The following SIL1 variants were observed in gnomAD, a reference collection of about 807,000 sequenced individuals.
The protein encoded by SIL1 is nucleotide exchange factor SIL1.
Under a neutral mutation model 49.1 loss-of-function variants are expected in SIL1, and 40 were observed. The observed-to-expected ratio is 0.81, with a 90% CI of 0.63 to 1.06. The LOEUF is 1.06. SIL1 is among the 50% of genes least tolerant of loss of function. The pLI, the probability that SIL1 is intolerant of heterozygous loss-of-function variation, is 0.00. For synonymous variants in SIL1, 253 were observed against 250.8 expected (o/e 1.01, Z -0.08); for missense variants, 500 against 572.6 (o/e 0.87, Z 1.29).
chr5:139,028,693 A>G (rs1768718321), intron 5 of SIL1, among the ~76,000 whole-genome samples: 1 of 152,220 alleles, frequency 6.6e-6, no homozygotes, highest in Admixed American at 6.5e-5. Context: ...CAAGAAAAGG[A>G]CACAGGTACC....
chr5:139,109,497 C>T lies in SIL1; in HGVS notation c.244+11538G>A, dbSNP rs965615499. 6.6e-5 allele frequency among the ~76,000 whole-genome samples: 10 copies of T among 152,168 alleles called. No individual in the cohort carries two copies. In the South Asian group the frequency reaches 2.1e-3, roughly 32 times the overall value. On this transcript the variant is annotated intron_variant, in intron 3 of 9. Coordinates refer to ENST00000394817, the MANE Select transcript of SIL1 (RefSeq NM_022464.5). ...CATTATTTTGTTCCCATGTAGACGT[C>T]AAATAAAACTGCTTTCAGATCATGA...
At chr5:139,195,473 C>T (rs983112201) in intron 1 of SIL1, among the ~76,000 whole-genome samples, 4 of 152,138 alleles carry the variant, frequency 2.6e-5, no homozygotes, top group Admixed American at 6.6e-5. Context: ...CTGCAAGCTC[C>T]GCTTCCCAGG....
At chr5:138,949,811 A>AG (rs1766723274) in intron 9 of SIL1, among the ~76,000 whole-genome samples, 1 of 148,996 alleles carries the variant, frequency 6.7e-6, no homozygotes, top group East Asian at 1.9e-4. Context: ...AAAAAAAAAA[A>AG]AAAAAGAAAA....
At chr5:139,177,426 G>A (rs1751907989) in intron 1 of SIL1, among the ~76,000 whole-genome samples, 1 of 151,532 alleles carries the variant, frequency 6.6e-6, no homozygotes, top group Non-Finnish European at 1.5e-5. Context: ...TTTTAGTAGA[G>A]ATGAGGTTTC....
chr5:139,122,088 T>C (rs1384780050), intron 2 of SIL1, among the ~76,000 whole-genome samples: 1 of 152,018 alleles, frequency 6.6e-6, no homozygotes, highest in Non-Finnish European at 1.5e-5. Flanking sequence ...TGGGGAGGTA[T>C]TTCAGCCTGC....
rs2150375084 is a variant in SIL1 at position 138,947,965 on chromosome 5, C to T, written c.1030-492G>A. On this transcript the variant is annotated intron_variant, in intron 9 of 9. Transcript: ENST00000394817. This position sits in a 1 kb window ranked among gnomAD's most constrained non-coding sequence, Gnocchi z 4.1. Reference sequence around the variant, plus strand: ...TCTATCAGCAGAACATGGTGGGAGCCAATCCTGCCGGGCTACCAGCAGCGG... The same window carrying T: ...TCTATCAGCAGAACATGGTGGGAGCTAATCCTGCCGGGCTACCAGCAGCGG... 6.6e-6 allele frequency among the ~76,000 whole-genome samples: 1 copy of T among 152,242 alleles called. No homozygotes were observed. Among genetic ancestry groups the T allele is most frequent in the Middle Eastern group, 3.4e-3 (1 of 294 alleles).
chr5:139,023,811 C>G (rs1041886711), intron 6 of SIL1, among the ~76,000 whole-genome samples: 1 of 152,220 alleles, frequency 6.6e-6, no homozygotes, highest in African/African-American at 2.4e-5. Context: ...CTTACTTAAT[C>G]CCCCAGTGAA....
intron 1 of SIL1, among the ~76,000 whole-genome samples, chr5:139,144,608 C>A (rs59042416): frequency 0.08 from 12,176 of 152,026 alleles, 861 homozygotes; most frequent in African/African-American, 0.19. Flanking sequence ...CGGTGGCTCA[C>A]ACCTGTAATC....
chr5:139,097,591 C>T (rs947061990), intron 3 of SIL1, among the ~76,000 whole-genome samples: 1 of 151,908 alleles, frequency 6.6e-6, no homozygotes, highest in South Asian at 2.1e-4. Context: ...AATTCTCCTG[C>T]CTCAGCCTCC....
intron 5 of SIL1, among the ~76,000 whole-genome samples, chr5:139,038,943 G>A (rs1768978328): frequency 6.6e-6 from 1 of 152,194 alleles, no homozygotes. Context: ...AAACCATGTT[G>A]GTGCTACCAG....
chr5:139,111,257 T>C (rs1461782477), intron 3 of SIL1, among the ~76,000 whole-genome samples: 1 of 152,228 alleles, frequency 6.6e-6, no homozygotes, highest in Non-Finnish European at 1.5e-5. Context: ...TTCTTCAATT[T>C]CTGTCTATAT....
At chr5:139,177,460 G>A (rs945945556) in intron 1 of SIL1, among the ~76,000 whole-genome samples, 4 of 151,726 alleles carry the variant, frequency 2.6e-5, no homozygotes, top group East Asian at 3.9e-4. Context: ...GGCTGGTTTC[G>A]AATTCCTGAT....
intron 7 of SIL1, among the ~76,000 whole-genome samples, chr5:139,009,360 G>A (rs1283946138): frequency 6.8e-6 from 1 of 147,592 alleles, no homozygotes; most frequent in Non-Finnish European, 1.5e-5. Flanking sequence ...GTGTGTCTCT[G>A]CACGTGAGAT....
intron 1 of SIL1, among the ~76,000 whole-genome samples, chr5:139,172,616 C>T (rs1433804417): frequency 7.2e-6 from 1 of 139,766 alleles, no homozygotes; most frequent in Non-Finnish European, 1.5e-5. Flanking sequence ...CGGGGAATAG[C>T]GTGAGACTCC....
chr5:139,035,840 CG>C (rs913549445), intron 5 of SIL1: 8 of 164,394 alleles, frequency 4.9e-5, no homozygotes, highest in African/African-American at 1.9e-4. Flanking sequence ...TTAGTAGAGA[CG>C]GGGTTTCACC....
intron 3 of SIL1, among the ~76,000 whole-genome samples, chr5:139,083,515 T>G (rs1482243308): frequency 8.7e-6 from 1 of 115,126 alleles, no homozygotes; most frequent in African/African-American, 3.6e-5. Context: ...TCGCCCACTT[T>G]TTGATGGGGT....
At chr5:139,142,113 C>G (rs1488346723) in intron 1 of SIL1, among the ~76,000 whole-genome samples, 1 of 152,092 alleles carries the variant, frequency 6.6e-6, no homozygotes, top group East Asian at 1.9e-4. Flanking sequence ...AGTGTCAAAA[C>G]AAAAAAGTAT....
chr5:139,112,415 G>C (rs1220185471), intron 3 of SIL1, among the ~76,000 whole-genome samples: 1 of 151,600 alleles, frequency 6.6e-6, no homozygotes, highest in Non-Finnish European at 1.5e-5. Context: ...TCTCTGCCCG[G>C]CTGCCCATCG....
intron 2 of SIL1, among the ~76,000 whole-genome samples, chr5:139,125,014 G>A (rs868030865): frequency 3.3e-5 from 5 of 152,170 alleles, no homozygotes; most frequent in African/African-American, 7.2e-5. Flanking sequence ...GGAATGACGC[G>A]GGATACTGAG....
Sources: allele counts gnomAD v4.1 joint callset (sites outside exome capture counted in the v4.1 genomes callset), GRCh38; gene constraint gnomAD v4.1.1; non-coding constraint Gnocchi (gnomAD v3.1); transcripts MANE v1.5; gene names NCBI Gene and HGNC (gene_info 2026-07-23, HGNC 2026-07-21).